FBXL17: variants seen among roughly 807,000 people sequenced by gnomAD.
The protein encoded by FBXL17 is F-box and leucine rich repeat protein 17.
In FBXL17, 22 loss-of-function variants were observed where a neutral mutation model predicts 66.2. The ratio of observed to expected loss-of-function variants is 0.33; its 90% CI spans 0.24 to 0.47. FBXL17 has a LOEUF of 0.47. Among genes scored for constraint, FBXL17 ranks in the 20% least tolerant of loss-of-function variants. The pLI is 1.00. For missense variants in FBXL17, 878 were observed against 948.2 expected (o/e 0.93, Z 0.97); for synonymous variants, 474 against 400.5 (o/e 1.18, Z -2.19).
chr5:107,892,461 A>T (rs1193633333), intron 7 of FBXL17, among the ~76,000 whole-genome samples: 1 of 152,146 alleles, frequency 6.6e-6, no homozygotes, highest in African/African-American at 2.4e-5. Context: ...TGTGTATTTA[A>T]AATTTTTCAA....
In FBXL17 at chr5:108,161,008, A is replaced by G. The variant is rs369726439; in HGVS notation, c.1745+25109T>C. On this transcript the variant is annotated intron_variant, in intron 6 of 8. Transcript: ENST00000542267. Reference sequence around the variant, plus strand: ...AGGTCAACTAGTTCCCAAGCCTTTAAGCCTCCACATTGGGAAACACTAGGT... The same window carrying G: ...AGGTCAACTAGTTCCCAAGCCTTTAGGCCTCCACATTGGGAAACACTAGGT... Among the ~76,000 whole-genome samples, 37 of 152,266 alleles carry G rather than the reference A, an allele frequency of 2.4e-4. No individual in the cohort carries two copies. The South Asian group carries it at 7.5e-3, about 31-fold the overall frequency.
intron 4 of FBXL17, among the ~76,000 whole-genome samples, chr5:108,296,012 C>T (rs953233171): frequency 7.1e-5 from 10 of 140,204 alleles, no homozygotes; most frequent in African/African-American, 2.6e-4. Flanking sequence ...TAGGGTGGAA[C>T]AGGGAAGAGA....
At position 108,105,068 on chromosome 5, in the gene FBXL17, C is replaced by T. The variant is rs559293238; in HGVS notation, c.1745+81049G>A. On this transcript the variant is annotated intron_variant, in intron 6 of 8. Transcript: ENST00000542267. The stretch of plus-strand genomic sequence containing the variant: ...GTGTTAGCTAGGATGGTCTGGATCT[C>T]CTGACCTTGTGATCCGCCCGCCTCG... Among the ~76,000 whole-genome samples, 503 of 152,250 alleles carry T rather than the reference C, an allele frequency of 3.3e-3. 2 individuals carry two copies. Among genetic ancestry groups the T allele is most frequent in the Non-Finnish European group, 5.6e-3 (378 of 68,018 alleles).
intron 1 of FBXL17, among the ~76,000 whole-genome samples, chr5:108,372,389 T>G (rs983234763): frequency 6.6e-6 from 1 of 152,106 alleles, no homozygotes; most frequent in Non-Finnish European, 1.5e-5. Flanking sequence ...GCTAAAACTT[T>G]CCAAATCTGA....
chr5:108,181,299 T>C (rs893446138), intron 6 of FBXL17, among the ~76,000 whole-genome samples: 11 of 152,206 alleles, frequency 7.2e-5, no homozygotes, highest in African/African-American at 2.4e-4. Context: ...AAATCACTGA[T>C]AGAAATAGTC....
At chr5:108,097,673 C>T (rs952743207) in intron 6 of FBXL17, among the ~76,000 whole-genome samples, 1 of 151,852 alleles carries the variant, frequency 6.6e-6, no homozygotes, top group African/African-American at 2.4e-5. Context: ...CCTGTAATCC[C>T]AGCTACTCAG....
At chr5:107,906,100 T>A (rs921265857) in intron 7 of FBXL17, among the ~76,000 whole-genome samples, 1 of 151,750 alleles carries the variant, frequency 6.6e-6, no homozygotes, top group Admixed American at 6.6e-5. Context: ...TCTGGTTAAA[T>A]TCCCTGGATC....
At chr5:107,957,854 G>T (rs572282096) in intron 7 of FBXL17, among the ~76,000 whole-genome samples, 1 of 152,160 alleles carries the variant, frequency 6.6e-6, no homozygotes, top group African/African-American at 2.4e-5. Context: ...GCTGAAAAAT[G>T]AATCTCCATT....
intron 6 of FBXL17, among the ~76,000 whole-genome samples, chr5:108,048,017 A>G (rs2112816155): frequency 6.6e-6 from 1 of 152,328 alleles, no homozygotes; most frequent in South Asian, 2.1e-4. Flanking sequence ...GGGTTGTCAG[A>G]CACCCTAGAA....
At chr5:107,924,075 T>G (rs1006623992) in intron 7 of FBXL17, among the ~76,000 whole-genome samples, 1 of 150,868 alleles carries the variant, frequency 6.6e-6, no homozygotes, top group Non-Finnish European at 1.5e-5. Context: ...TTTTTTTTTT[T>G]TTTTTTTTTA....
intron 4 of FBXL17, among the ~76,000 whole-genome samples, chr5:108,312,688 A>C (rs189886203): frequency 6.6e-6 from 1 of 152,292 alleles, no homozygotes; most frequent in East Asian, 1.9e-4. Flanking sequence ...CAACTATGTA[A>C]ATTTTTCATT....
intron 6 of FBXL17, among the ~76,000 whole-genome samples, chr5:108,106,678 A>G (rs1032448468): frequency 6.6e-6 from 1 of 152,248 alleles, no homozygotes; most frequent in African/African-American, 2.4e-5. Flanking sequence ...TTCCACTTAT[A>G]TGAAATGTCC....
intron 6 of FBXL17, among the ~76,000 whole-genome samples, chr5:108,140,826 G>A (rs1751321607): frequency 6.6e-6 from 1 of 151,562 alleles, no homozygotes; most frequent in Admixed American, 6.6e-5. Flanking sequence ...AGAAACTTCA[G>A]CCATTCTTTT....
intron 4 of FBXL17, among the ~76,000 whole-genome samples, chr5:108,303,551 C>A (rs73214583): frequency 0.017 from 2,555 of 151,948 alleles, 72 homozygotes; most frequent in African/African-American, 0.056. Context: ...CTACCACATA[C>A]AACATATGTA....
chr5:107,909,353 A>AT (rs1212861405), intron 7 of FBXL17, among the ~76,000 whole-genome samples: 1 of 152,178 alleles, frequency 6.6e-6, no homozygotes, highest in Non-Finnish European at 1.5e-5. Context: ...AACAGTGTTT[A>AT]TTGCTCAGTG....
chr5:107,913,162 T>TG (rs1420863780), intron 7 of FBXL17, among the ~76,000 whole-genome samples: 1 of 151,880 alleles, frequency 6.6e-6, no homozygotes, highest in Middle Eastern at 3.2e-3. Context: ...TATGAGTTCA[T>TG]GGGGAGGGTA....
intron 7 of FBXL17, among the ~76,000 whole-genome samples, chr5:107,987,745 C>A (rs1414631379): frequency 6.6e-6 from 1 of 151,966 alleles, no homozygotes; most frequent in Non-Finnish European, 1.5e-5. Flanking sequence ...TGCTATGAAA[C>A]CCTGGTTGGG....
intron 5 of FBXL17, among the ~76,000 whole-genome samples, chr5:108,216,150 T>C (rs961174491): frequency 6.6e-6 from 1 of 152,142 alleles, no homozygotes; most frequent in Non-Finnish European, 1.5e-5. Context: ...ACTGTTTTTC[T>C]TTTTTTGAGA....
chr5:108,152,770 A>G (rs1751821012), intron 6 of FBXL17, among the ~76,000 whole-genome samples: 1 of 152,240 alleles, frequency 6.6e-6, no homozygotes, highest in Non-Finnish European at 1.5e-5. Context: ...GTGATACAGG[A>G]TTACCATATT....
Sources: allele counts gnomAD v4.1 joint callset (sites outside exome capture counted in the v4.1 genomes callset), GRCh38; gene constraint gnomAD v4.1.1; transcripts MANE v1.5; gene names NCBI Gene and HGNC (gene_info 2026-07-23, HGNC 2026-07-21).